The following PURG variants were observed in gnomAD, a reference collection of about 807,000 sequenced individuals.
PURG encodes purine-rich element-binding protein gamma.
Under a neutral mutation model 24.3 loss-of-function variants are expected in PURG, and 3 were observed. That is an observed-to-expected ratio of 0.12 (90% CI 0.06 to 0.32). The LOEUF is 0.32. Among genes scored for constraint, PURG ranks in the 10% least tolerant of loss-of-function variants. The probability of loss-of-function intolerance (pLI) is 1.00; values close to 1 mark genes in which losing one functional copy is unlikely to be tolerated. For missense variants in PURG, 371 were observed against 439.1 expected (o/e 0.84, Z 1.39); for synonymous variants, 180 against 173.1 (o/e 1.04, Z -0.31).
chr8:31,014,964 T>C (rs1172885727), intron 1 of PURG, among the ~76,000 whole-genome samples: 1 of 152,234 alleles, frequency 6.6e-6, no homozygotes, highest in Non-Finnish European at 1.5e-5. Context: ...GCATATCTTA[T>C]TAGCACAATT....
chr8:31,033,122 C>T lies in PURG; in HGVS notation c.-51G>A. 4.5e-6 allele frequency: 1 copy of T among 222,506 alleles called. No homozygotes were observed. The highest frequency in any genetic ancestry group is 8.7e-6 in the Non-Finnish European group (1 of 114,676). 13.8% of individuals were successfully genotyped at this position (222,506 alleles called of 1,614,324 possible). ...CCGCCGCCGATGCCCTTCACGACCA[C>T]CGCCGCCGCCACCGCCAGCTCTCGG... On this transcript the variant is annotated 5_prime_UTR_variant, in exon 1 of 2. It adds an upstream start codon to the 5' untranslated region. Coordinates refer to ENST00000523392, the MANE Select transcript of PURG (RefSeq NM_001323311.2).
intron 1 of PURG, among the ~76,000 whole-genome samples, chr8:30,997,824 T>C (rs1243020225): frequency 1.3e-5 from 2 of 151,826 alleles, no homozygotes; most frequent in African/African-American, 4.8e-5. Flanking sequence ...TCTGCTGAAC[T>C]AAATTCCTTG....
chr8:31,016,076 C>T (rs1400615452), intron 1 of PURG, among the ~76,000 whole-genome samples: 2 of 151,714 alleles, frequency 1.3e-5, no homozygotes, highest in African/African-American at 2.4e-5. Context: ...CAAACAACGA[C>T]AAAAACATAC....
chr8:31,022,509 T>C (rs1313441350), intron 1 of PURG, among the ~76,000 whole-genome samples: 1 of 152,194 alleles, frequency 6.6e-6, no homozygotes, highest in Non-Finnish European at 1.5e-5. Context: ...GGGCAATTTC[T>C]AGATTTTCAA....
At chr8:31,003,427 T>C (rs1486164631) in intron 1 of PURG, among the ~76,000 whole-genome samples, 2 of 151,896 alleles carry the variant, frequency 1.3e-5, no homozygotes, top group Non-Finnish European at 2.9e-5. Flanking sequence ...AGCATTATAG[T>C]ACTATATGGC....
At chr8:30,999,558 C>T (rs1260995865) in intron 1 of PURG, among the ~76,000 whole-genome samples, 1 of 151,836 alleles carries the variant, frequency 6.6e-6, no homozygotes, top group African/African-American at 2.4e-5. Flanking sequence ...GATTTTGACT[C>T]TAAAGCCTAG....
chr8:31,018,880 A>ATT (rs1810923642), intron 1 of PURG, among the ~76,000 whole-genome samples: 1 of 151,636 alleles, frequency 6.6e-6, no homozygotes. Flanking sequence ...ATATGGTTTT[A>ATT]TTATTGGGAG....
At chr8:31,016,875 G>A (rs1373767159) in intron 1 of PURG, among the ~76,000 whole-genome samples, 1 of 152,130 alleles carries the variant, frequency 6.6e-6, no homozygotes, top group Non-Finnish European at 1.5e-5. Flanking sequence ...AGCAAATGTA[G>A]AGTTTAATAC....
At chr8:31,009,043 C>T (rs1462793081) in intron 1 of PURG, among the ~76,000 whole-genome samples, 1 of 152,182 alleles carries the variant, frequency 6.6e-6, no homozygotes, top group Admixed American at 6.5e-5. Flanking sequence ...TAATCTTAGC[C>T]ATATTGATCT....
intron 1 of PURG, among the ~76,000 whole-genome samples, chr8:31,024,099 A>G (rs186970950): frequency 1.3e-5 from 2 of 152,334 alleles, no homozygotes; most frequent in Non-Finnish European, 2.9e-5. Flanking sequence ...TTACGTAGTT[A>G]GTATACAACA....
intron 1 of PURG, among the ~76,000 whole-genome samples, chr8:31,015,376 A>G (rs1389044923): frequency 6.6e-6 from 1 of 152,166 alleles, no homozygotes; most frequent in East Asian, 1.9e-4. Context: ...CAAACACACC[A>G]CCACCAGAAG....
chr8:30,999,703 T>C (rs957799113), intron 1 of PURG, among the ~76,000 whole-genome samples: 16 of 152,004 alleles, frequency 1.1e-4, no homozygotes, highest in African/African-American at 3.9e-4. Context: ...AATGTAAATA[T>C]ATATACAGTT....
chr8:31,006,800 C>T (rs373289811), intron 1 of PURG, among the ~76,000 whole-genome samples: 2 of 152,164 alleles, frequency 1.3e-5, no homozygotes, highest in Non-Finnish European at 2.9e-5. Context: ...ACTGAATAAA[C>T]GAATGTTCTT....
rs148031716 is a variant in PURG at position 31,032,624 on chromosome 8, G to C, written c.159C>G (p.Gly53=). The C allele has an allele frequency of 6.2e-7, 1 of 1,601,456 alleles. No individual in the cohort carries two copies. Among genetic ancestry groups the C allele is most frequent in the African/African-American group, 1.3e-5 (1 of 74,614 alleles). ...AGGCCAGCTCCTGGATTTCGGCTGC[G>C]CCCCCGGCCTGATTAGGGGTGGCTG... is the stretch of plus-strand genomic sequence containing the variant. ...AASATPNQAG[G]AAEIQELASK... The change falls in exon 2 of 2, where the codon GGC becomes GGG. Residue 53 remains glycine (G), a synonymous_variant. Transcript: ENST00000523392. This position sits in a 1 kb window ranked among gnomAD's most constrained non-coding sequence, Gnocchi z 5.9.
At chr8:31,001,616 C>A (rs935573058) in intron 1 of PURG, among the ~76,000 whole-genome samples, 5 of 152,060 alleles carry the variant, frequency 3.3e-5, no homozygotes, top group Admixed American at 6.6e-5. Flanking sequence ...TTAGCTCATA[C>A]CACAGGCAAA....
rs1811285426 is a variant in PURG at position 31,033,084 on chromosome 8, T to G, written c.-13A>C. 1 of 209,498 alleles carries G rather than the reference T, an allele frequency of 4.8e-6. No homozygotes were observed. Among genetic ancestry groups the G allele is most frequent in the South Asian group, 1.7e-4 (1 of 5,950 alleles). 13.0% of individuals were successfully genotyped at this position (209,498 alleles called of 1,614,324 possible). ...CCAGCCGGCGGGCACTCACATCATC[T>G]CTGCCATCACCGCCGCCGCCGATGC... On this transcript the variant is annotated 5_prime_UTR_variant, in exon 1 of 2. Transcript: ENST00000523392.
intron 1 of PURG, among the ~76,000 whole-genome samples, chr8:31,007,232 GA>G (rs1156801780): frequency 6.6e-6 from 1 of 152,112 alleles, no homozygotes; most frequent in Non-Finnish European, 1.5e-5. Flanking sequence ...CTAAGAGCTA[GA>G]TTATAGAAAA....
At chr8:31,028,031 A>G (rs935761564), downstream of PURG, among the ~76,000 whole-genome samples, 3 of 151,784 alleles carry the variant, frequency 2.0e-5, no homozygotes, top group Admixed American at 2.0e-4. Context: ...TGTACTGCAT[A>G]TTTATTCATT....
chr8:31,019,016 C>T (rs1365029192), intron 1 of PURG, among the ~76,000 whole-genome samples: 1 of 144,366 alleles, frequency 6.9e-6, no homozygotes, highest in South Asian at 2.3e-4. Flanking sequence ...CCCAGCTACT[C>T]GGGAGGCTGA....
Sources: allele counts gnomAD v4.1 joint callset (sites outside exome capture counted in the v4.1 genomes callset), GRCh38; gene constraint gnomAD v4.1.1; non-coding constraint Gnocchi (gnomAD v3.1); transcripts MANE v1.5; gene names NCBI Gene and HGNC (gene_info 2026-07-23, HGNC 2026-07-21).